The following VEZT variants were observed in gnomAD, a reference collection of about 807,000 sequenced individuals.
The protein encoded by VEZT is vezatin, adherens junctions transmembrane protein.
VEZT carries 39 observed loss-of-function variants against 79.9 expected under a neutral mutation model. The observed-to-expected ratio is 0.49, with a 90% confidence interval of 0.38 to 0.64. The LOEUF is 0.64. Among genes scored for constraint, VEZT ranks in the 30% least tolerant of loss-of-function variants. The probability of loss-of-function intolerance (pLI) is 0.00; values close to 1 mark genes in which losing one functional copy is unlikely to be tolerated. For synonymous variants in VEZT, 325 were observed against 327.6 expected (o/e 0.99, Z 0.09); for missense variants, 837 against 893.1 (o/e 0.94, Z 0.80).
chr12:95,254,383 G>C (rs1034613146), intron 2 of VEZT, among the ~76,000 whole-genome samples: 1 of 110,558 alleles, frequency 9.0e-6, no homozygotes, highest in East Asian at 2.8e-4. Context: ...GTCTCACTCT[G>C]TCGCCCAGGT....
At chr12:95,292,640 C>A (rs937190874) in intron 9 of VEZT, among the ~76,000 whole-genome samples, 101 of 151,686 alleles carry the variant, frequency 6.7e-4, no homozygotes, top group Non-Finnish European at 1.6e-4. Flanking sequence ...CCTCCGCCTC[C>A]CAAGTTCAAG....
At chr12:95,258,404 G>T (rs2063810818) in intron 3 of VEZT, 1 of 359,920 alleles carries the variant, frequency 2.8e-6, no homozygotes, top group Non-Finnish European at 5.7e-6. Context: ...TCACTATACA[G>T]TGCCAGCTTC....
At chr12:95,238,182 T>G (rs1364860559) in intron 1 of VEZT, among the ~76,000 whole-genome samples, 2 of 152,196 alleles carry the variant, frequency 1.3e-5, no homozygotes, top group East Asian at 3.9e-4. Flanking sequence ...AGTATGGGCT[T>G]TGGAATCAGA....
Position 95,300,557 on chromosome 12 carries a change from G to C in VEZT, c.2224G>C (p.Ala742Pro). The change falls in exon 12 of 12, where the codon GCT (alanine) becomes CCT (proline). Residue 742 changes from alanine (A) to proline (P), a missense_variant. Coordinates refer to ENST00000436874, the MANE Select transcript of VEZT (RefSeq NM_017599.4). Reference protein sequence around the residue: ...SPDFTFTAGLAAEVAARSLSF... With the variant: ...SPDFTFTAGLPAEVAARSLSF... ...AGATTTTACCTTCACTGCTGGCCTT[G>C]CTGCAGAAGTGGCTGCTAGATCTCT... The C allele has an allele frequency of 1.9e-6, 3 of 1,613,974 alleles. No individual in the cohort carries two copies. The highest frequency in any genetic ancestry group is 2.5e-6 in the Non-Finnish European group (3 of 1,179,902).
At chr12:95,237,817 T>C (rs2060398925) in intron 1 of VEZT, among the ~76,000 whole-genome samples, 2 of 152,216 alleles carry the variant, frequency 1.3e-5, no homozygotes, top group South Asian at 4.1e-4. Flanking sequence ...GGCTAATAAG[T>C]ATAGAGCTCT....
intron 1 of VEZT, among the ~76,000 whole-genome samples, chr12:95,240,673 G>C (rs1047327496): frequency 6.6e-6 from 1 of 152,078 alleles, no homozygotes; most frequent in Non-Finnish European, 1.5e-5. Context: ...TATTTCGAAG[G>C]TAACTCATTT....
At chr12:95,263,657 G>GA (rs908826842) in intron 4 of VEZT, 4 of 148,156 alleles carry the variant, frequency 2.7e-5, no homozygotes, top group Admixed American at 1.3e-4. Context: ...TCTCTAAGGG[G>GA]AAAAAAAAAA....
chr12:95,245,546 T>C (rs746439814), intron 1 of VEZT: 1 of 456,764 alleles, frequency 2.2e-6, no homozygotes, highest in Non-Finnish European at 4.4e-6. Context: ...ACATGGAAGA[T>C]GTTCAGTAAG....
chr12:95,280,662 AATT>A (rs1226325693), intron 7 of VEZT, among the ~76,000 whole-genome samples: 3 of 152,114 alleles, frequency 2.0e-5, no homozygotes, highest in African/African-American at 4.8e-5. Context: ...TTTACTTGTA[AATT>A]ATTATCTGTG....
Position 95,294,398 on chromosome 12 carries a change from C to T in VEZT, c.1623+26C>T, listed in dbSNP as rs755881896. The T allele has an allele frequency of 5.9e-6, 9 of 1,522,290 alleles. No individual in the cohort carries two copies. In the East Asian group the frequency reaches 1.9e-4, roughly 33 times the overall value. 94.3% of individuals were successfully genotyped at this position (1,522,290 alleles called of 1,614,324 possible). ...GTAAGGGTGAAAATTACTGTTCTTT[C>T]CCTTGTTGGATTTCTGTTTCTAATG... On this transcript the variant is annotated intron_variant, in intron 10 of 11. Transcript: ENST00000436874.
intron 3 of VEZT, 91 bp downstream of exon 3, chr12:95,257,330 G>A: frequency 2.0e-6 from 2 of 1,012,460 alleles, no homozygotes; most frequent in Non-Finnish European, 2.9e-6. Flanking sequence ...TATCAATTTG[G>A]CCAGCAATTG....
At chr12:95,297,388 C>T (rs192066438) in intron 11 of VEZT, among the ~76,000 whole-genome samples, 12 of 152,034 alleles carry the variant, frequency 7.9e-5, no homozygotes, top group African/African-American at 2.7e-4. Flanking sequence ...TGGAAAGTTC[C>T]TCCAGTTCTC....
At position 95,252,081 on chromosome 12, in the gene VEZT, C is replaced by T. The variant is rs750408156; in HGVS notation, c.168+10C>T. On this transcript the variant is annotated intron_variant, in intron 2 of 11. Transcript: ENST00000436874. ...AAGAGTCCTACCAAAAGTAAGAACG[C>T]ATGCTCATTCTTTCTGGCCGAATCT... The T allele has an allele frequency of 9.4e-6, 15 of 1,597,706 alleles. No individual in the cohort carries two copies. In the South Asian group the frequency reaches 1.6e-4, roughly 17 times the overall value.
At chr12:95,290,664 G>T (rs982658287) in intron 9 of VEZT, 1 of 152,118 alleles carries the variant, frequency 6.6e-6, no homozygotes, top group Non-Finnish European at 1.5e-5. Flanking sequence ...TCTTTTAATG[G>T]CAATGGCATT....
intron 1 of VEZT, among the ~76,000 whole-genome samples, chr12:95,221,140 C>T (rs2057517553): frequency 6.6e-6 from 1 of 152,104 alleles, no homozygotes; most frequent in African/African-American, 2.4e-5. Context: ...TTTGTGAAGC[C>T]ACGTCAAATT....
At chr12:95,270,353 G>A (rs1348057414) in intron 6 of VEZT, among the ~76,000 whole-genome samples, 165 bp downstream of exon 6, 5 of 152,136 alleles carry the variant, frequency 3.3e-5, no homozygotes, top group Admixed American at 2.6e-4. Context: ...ATTCCTGGGG[G>A]AATGACAATA....
At chr12:95,238,216 G>C (rs917487915) in intron 1 of VEZT, among the ~76,000 whole-genome samples, 6 of 152,076 alleles carry the variant, frequency 3.9e-5, no homozygotes, top group Admixed American at 1.3e-4. Context: ...TATTCTGATG[G>C]GTGACTTTAA....
chr12:95,300,792 A>G lies in VEZT; in HGVS notation c.*119A>G. On this transcript the variant is annotated 3_prime_UTR_variant, in exon 12 of 12. Transcript: ENST00000436874. Reference sequence around the variant, plus strand: ...ATATATAAAGCTAAGATGTGGATTTACAGGAAGAACCCTGGTTTGAATAAC... The same window carrying G: ...ATATATAAAGCTAAGATGTGGATTTGCAGGAAGAACCCTGGTTTGAATAAC... The G allele has an allele frequency of 7.6e-7, 1 of 1,320,732 alleles. No homozygotes were observed. Among genetic ancestry groups the G allele is most frequent in the Non-Finnish European group, 9.8e-7 (1 of 1,021,704 alleles). The allele number at this position is 1,320,732 out of a possible 1,614,324, so 81.8% of individuals were successfully genotyped here.
rs1483034689 is a variant in VEZT at position 95,245,460 on chromosome 12, A to G, written c.37-6480A>G. ...GCTTGATGAACCGTGGTTTTATCAGAAGTATTACAAGATAAAACTCTTTTG... is the reference window on the plus strand; with the variant it reads ...GCTTGATGAACCGTGGTTTTATCAGGAGTATTACAAGATAAAACTCTTTTG... On this transcript the variant is annotated intron_variant, in intron 1 of 11. Coordinates refer to ENST00000436874, the MANE Select transcript of VEZT (RefSeq NM_017599.4). The G allele has an allele frequency of 3.1e-5, 14 of 455,074 alleles. No homozygotes were observed. The Admixed American group carries it at 3.3e-4, about 11-fold the overall frequency. 28.2% of individuals were successfully genotyped at this position (455,074 alleles called of 1,614,324 possible). A position where few individuals can be genotyped will look rare whatever the true frequency, so the allele number is the denominator to read the frequency against.
Sources: allele counts gnomAD v4.1 joint callset (sites outside exome capture counted in the v4.1 genomes callset), GRCh38; gene constraint gnomAD v4.1.1; transcripts MANE v1.5; gene names NCBI Gene and HGNC (gene_info 2026-07-23, HGNC 2026-07-21).